PITPNC1: variants seen among roughly 807,000 people sequenced by gnomAD.
The protein encoded by PITPNC1 is phosphatidylinositol transfer protein cytoplasmic 1.
Under a neutral mutation model 44.7 loss-of-function variants are expected in PITPNC1, and 18 were observed. That is an observed-to-expected ratio of 0.40 (90% CI 0.28 to 0.60). The LOEUF (loss-of-function observed/expected upper bound fraction) is 0.60, where lower values mean the gene tolerates loss of function less well. PITPNC1 is among the 20% of genes least tolerant of loss of function. The pLI is 0.39. For synonymous variants in PITPNC1, 141 were observed against 149.6 expected (o/e 0.94, Z 0.42); for missense variants, 290 against 418.4 (o/e 0.69, Z 2.68).
At chr17:67,659,473 C>T (rs1381278030) in intron 6 of PITPNC1, among the ~76,000 whole-genome samples, 1 of 152,176 alleles carries the variant, frequency 6.6e-6, no homozygotes, top group East Asian at 1.9e-4. Flanking sequence ...AGGTAATCAG[C>T]CTAGTCTTCT....
chr17:67,563,440 C>T (rs2642047), intron 4 of PITPNC1, among the ~76,000 whole-genome samples: 3,977 of 152,266 alleles, frequency 0.026, 152 homozygotes, highest in African/African-American at 0.09. Flanking sequence ...TCAACTCTTC[C>T]ATTTAACTTT....
In PITPNC1 at chr17:67,541,562, C is replaced by A. The variant is rs192499498; in HGVS notation, c.197+8612C>A. Among the ~76,000 whole-genome samples the A allele has an allele frequency of 2.6e-5, 4 of 152,098 alleles. No individual in the cohort carries two copies. The South Asian group carries it at 8.3e-4, about 32-fold the overall frequency. ...TCTTCAACTGAATCAATAAAAGTAA[C>A]GTAAAATATCTAAAACCATGTACTT... On this transcript the variant is annotated intron_variant, in intron 2 of 8. Transcript: ENST00000581322.
intron 1 of PITPNC1, among the ~76,000 whole-genome samples, chr17:67,462,992 GC>G (rs1294005887): frequency 6.6e-6 from 1 of 152,202 alleles, no homozygotes; most frequent in East Asian, 1.9e-4. Context: ...GTGAGCCGCC[GC>G]CCCCGGCAAC....
At chr17:67,679,386 G>A (rs575647408) in intron 8 of PITPNC1, among the ~76,000 whole-genome samples, 2 of 152,288 alleles carry the variant, frequency 1.3e-5, no homozygotes, top group African/African-American at 2.4e-5. Flanking sequence ...CCCCTTCTGG[G>A]CAGACTCAGC....
At chr17:67,378,901 G>T in intron 1 of PITPNC1, 2 of 856,980 alleles carry the variant, frequency 2.3e-6, no homozygotes, top group Non-Finnish European at 2.8e-6. Flanking sequence ...ACAGGAGGGC[G>T]CTCCAGCACG....
intron 8 of PITPNC1, among the ~76,000 whole-genome samples, chr17:67,689,580 A>C (rs2042883489): frequency 6.6e-6 from 1 of 152,238 alleles, no homozygotes; most frequent in African/African-American, 2.4e-5. Context: ...TCATCAACCC[A>C]AGCAGGGACA....
chr17:67,640,325 G>A (rs377281965), intron 6 of PITPNC1, among the ~76,000 whole-genome samples: 1 of 152,188 alleles, frequency 6.6e-6, no homozygotes. Context: ...AGCAGCTGCC[G>A]CATCGCGGGC....
intron 1 of PITPNC1, among the ~76,000 whole-genome samples, chr17:67,504,671 A>C (rs2040078081): frequency 6.6e-6 from 1 of 152,028 alleles, no homozygotes; most frequent in Non-Finnish European, 1.5e-5. Context: ...AAGTTTTGTC[A>C]ATTTTGTTGA....
chr17:67,477,383 A>G (rs2039645563), intron 1 of PITPNC1, among the ~76,000 whole-genome samples: 1 of 151,174 alleles, frequency 6.6e-6, no homozygotes, highest in Non-Finnish European at 1.5e-5. Context: ...AGTAGCTGGG[A>G]TTACAGGCAT....
At position 67,575,870 on chromosome 17, in the gene PITPNC1, C is replaced by CCTT. The variant is rs1568047895; in HGVS notation, c.295-2316_295-2315insCTT. Among the ~76,000 whole-genome samples, 4 of 53,464 alleles carry CCTT rather than the reference C, an allele frequency of 7.5e-5. 1 individual carries two copies. The highest frequency in any genetic ancestry group is 3.7e-4 in the African/African-American group (4 of 10,932). 35.1% of individuals were successfully genotyped at this position (53,464 alleles called of 152,430 possible). ...TCTTTCTTTCTTTCCTTCCTTCTTT[C>CCTT]TTTCTTTCCTTTTTTTTTTTTTTTG... On this transcript the variant is annotated intron_variant, in intron 4 of 8. Transcript: ENST00000581322.
chr17:67,557,137 CT>C (rs2040848726), intron 4 of PITPNC1, among the ~76,000 whole-genome samples: 1 of 152,138 alleles, frequency 6.6e-6, no homozygotes, highest in South Asian at 2.1e-4. Flanking sequence ...GACTGGGTTC[CT>C]GGTGAGGGCT....
In PITPNC1 at chr17:67,532,939, G is replaced by T; in HGVS notation, c.186G>T (p.Val62=). 1 of 1,609,594 alleles carries T rather than the reference G, an allele frequency of 6.2e-7. No individual in the cohort carries two copies. The highest frequency in any genetic ancestry group is 8.5e-7 in the Non-Finnish European group (1 of 1,178,510). ...HGNGQFTEKR[V]YLNSKLPSWA... is the part of the protein sequence containing the mutation. The stretch of plus-strand genomic sequence containing the variant: ...ATGGGCAGTTCACCGAGAAGCGGGT[G>T]TATCTCAACAGGTGAGTCATGGCAG... Residue 62 remains valine, a synonymous_variant, in exon 2 of 9, where the codon GTG becomes GTT. Coordinates refer to ENST00000581322, the MANE Select transcript of PITPNC1 (RefSeq NM_012417.4).
At chr17:67,512,653 G>C (rs1277712765) in intron 1 of PITPNC1, among the ~76,000 whole-genome samples, 5 of 151,662 alleles carry the variant, frequency 3.3e-5, no homozygotes, top group Admixed American at 2.0e-4. Context: ...TCTCTTATTA[G>C]ACTCTAAACT....
At chr17:67,461,007 C>T (rs1252263885) in intron 1 of PITPNC1, among the ~76,000 whole-genome samples, 1 of 151,966 alleles carries the variant, frequency 6.6e-6, no homozygotes, top group African/African-American at 2.4e-5. Flanking sequence ...TCCCAGAGTG[C>T]TGGGATTGTA....
At chr17:67,451,959 A>G (rs1567995115) in intron 1 of PITPNC1, among the ~76,000 whole-genome samples, 1 of 150,032 alleles carries the variant, frequency 6.7e-6, no homozygotes, top group Non-Finnish European at 1.5e-5. Context: ...TTTACTCAAC[A>G]TAAAGTTTTT....
Position 67,694,693 on chromosome 17 carries a change from C to T in PITPNC1, c.*1805C>T, listed in dbSNP as rs1469809938. 1.3e-5 allele frequency: 2 copies of T among 152,166 alleles called. No homozygotes were observed. The highest frequency in any genetic ancestry group is 2.9e-5 in the Non-Finnish European group (2 of 68,026). 9.4% of individuals were successfully genotyped at this position (152,166 alleles called of 1,614,324 possible). On this transcript the variant is annotated 3_prime_UTR_variant, in exon 9 of 9. Coordinates refer to ENST00000581322, the MANE Select transcript of PITPNC1 (RefSeq NM_012417.4). Reference sequence around the variant, plus strand: ...CTTAGATCAACAGTGTATCTCTTCCCTAAGAATGATAGTATCTTAGTAAGA... The same window carrying T: ...CTTAGATCAACAGTGTATCTCTTCCTTAAGAATGATAGTATCTTAGTAAGA...
intron 1 of PITPNC1, among the ~76,000 whole-genome samples, chr17:67,380,165 C>T (rs1010431717): frequency 3.4e-4 from 52 of 152,018 alleles, no homozygotes; most frequent in African/African-American, 1.2e-3. Flanking sequence ...ACCTCCGCCA[C>T]CTGGATTCAA....
At chr17:67,671,145 C>A (rs2042506093) in intron 7 of PITPNC1, among the ~76,000 whole-genome samples, 1 of 152,128 alleles carries the variant, frequency 6.6e-6, no homozygotes, top group South Asian at 2.1e-4. Context: ...CTCGGCCTCC[C>A]AAAGTGCTGG....
chr17:67,456,082 CAAGTGAGG>C (rs1197229004), intron 1 of PITPNC1, among the ~76,000 whole-genome samples: 2 of 152,180 alleles, frequency 1.3e-5, no homozygotes, highest in Non-Finnish European at 2.9e-5. Context: ...TCCCATTTTA[CAAGTGAGG>C]AAACTGGCTC....
Sources: gnomAD v4.1 joint callset for allele counts (sites outside exome capture counted in the v4.1 genomes callset) on GRCh38, gnomAD v4.1.1 for gene constraint, MANE v1.5 for transcripts, NCBI Gene and HGNC (gene_info 2026-07-23, HGNC 2026-07-21) for gene names.